The following GPALPP1 variants were observed in gnomAD, a reference collection of about 807,000 sequenced individuals.
The protein encoded by GPALPP1 is GPALPP motifs-containing protein 1.
GPALPP1 carries 30 observed loss-of-function variants against 38.9 expected under a neutral mutation model. The observed-to-expected ratio is 0.77, with a 90% CI of 0.58 to 1.05. The LOEUF (loss-of-function observed/expected upper bound fraction) is 1.05, where lower values mean the gene tolerates loss of function less well. Ranked by LOEUF, GPALPP1 falls within the 50% of genes least tolerant of loss-of-function variation. The pLI is 0.00. For synonymous variants in GPALPP1, 120 were observed against 139.2 expected (o/e 0.86, Z 0.97); for missense variants, 384 against 408.8 (o/e 0.94, Z 0.52).
chr13:45,027,695 C>A, intron 7 of GPALPP1, 90 bp from the exon 8 acceptor site: 1 of 639,926 alleles, frequency 1.6e-6, no homozygotes, highest in East Asian at 2.7e-5. Flanking sequence ...TAATGTGCAC[C>A]ATTACTATCT....
At chr13:45,031,857 A>T (rs1464698915), downstream of GPALPP1, 1 of 152,222 alleles carries the variant, frequency 6.6e-6, no homozygotes, top group Non-Finnish European at 1.5e-5. Context: ...GAGACATTTT[A>T]ATAAGGACTT....
At chr13:45,035,729 T>C (rs1876383875) in exon 8 of GPALPP1, 2 of 152,246 alleles carry the variant, frequency 1.3e-5, no homozygotes, top group Admixed American at 1.3e-4. Context: ...AAACTATTTC[T>C]ATCAGAATCA....
intron 3 of GPALPP1, 29 bp downstream of exon 3, chr13:45,006,332 C>A: frequency 1.8e-6 from 2 of 1,095,778 alleles, no homozygotes; most frequent in African/African-American, 1.6e-5. Flanking sequence ...TTAGGCCAGT[C>A]TTTCTTTAAA....
chr13:44,993,272 A>G (rs1872974066), intron 1 of GPALPP1, among the ~76,000 whole-genome samples: 1 of 152,198 alleles, frequency 6.6e-6, no homozygotes, highest in African/African-American at 2.4e-5. Flanking sequence ...TAATCTGTTC[A>G]AGTCCCTGCT....
chr13:45,027,979 C>T lies in GPALPP1; in HGVS notation c.999C>T (p.His333=), dbSNP rs778724717. ...KSRELNTRFS[H]GKGNMFL is the part of the protein sequence containing the mutation. Reference sequence around the variant, plus strand: ...GAGAACTAAACACCAGATTTTCACACGGCAAAGGCAATATGTTTTTATAAG... The same window carrying T: ...GAGAACTAAACACCAGATTTTCACATGGCAAAGGCAATATGTTTTTATAAG... The change falls in exon 8 of 8, where the codon CAC becomes CAT. Residue 333 remains histidine, a synonymous_variant. Coordinates refer to ENST00000379151, the MANE Select transcript of GPALPP1 (RefSeq NM_018559.5). 27 of 1,595,078 alleles carry T rather than the reference C, an allele frequency of 1.7e-5. No homozygotes were observed. Among genetic ancestry groups the T allele is most frequent in the Middle Eastern group, 3.4e-4 (2 of 5,948 alleles).
intron 1 of GPALPP1, among the ~76,000 whole-genome samples, chr13:45,000,690 T>G (rs1336343476): frequency 6.6e-6 from 1 of 152,150 alleles, no homozygotes; most frequent in Non-Finnish European, 1.5e-5. Context: ...ATCAAGAAGA[T>G]GAAAAGAGCC....
At chr13:45,009,458 C>T (rs533195418) in intron 4 of GPALPP1, among the ~76,000 whole-genome samples, 4 of 152,132 alleles carry the variant, frequency 2.6e-5, no homozygotes, top group Non-Finnish European at 5.9e-5. Flanking sequence ...TTTATCTTCT[C>T]CACGGTTTCA....
chr13:45,027,679 C>A, intron 7 of GPALPP1, 106 bp from the exon 8 acceptor site: 1 of 558,020 alleles, frequency 1.8e-6, no homozygotes, highest in Non-Finnish European at 3.2e-6. Flanking sequence ...TGTAAATAGC[C>A]CTCCTTAATG....
At chr13:45,000,339 A>T (rs915397191) in intron 1 of GPALPP1, among the ~76,000 whole-genome samples, 2 of 152,204 alleles carry the variant, frequency 1.3e-5, no homozygotes, top group African/African-American at 4.8e-5. Flanking sequence ...CCGAGATGGG[A>T]GGATCGCTTG....
chr13:45,036,280 T>C (rs147587415), exon 8 of GPALPP1: 19 of 152,340 alleles, frequency 1.2e-4, no homozygotes, highest in African/African-American at 3.6e-4. Flanking sequence ...TTCAGTTTCA[T>C]TGCACTTTGC....
At chr13:44,998,558 T>A (rs1873454616) in intron 1 of GPALPP1, among the ~76,000 whole-genome samples, 1 of 152,228 alleles carries the variant, frequency 6.6e-6, no homozygotes, top group Non-Finnish European at 1.5e-5. Context: ...CTAAATGTGA[T>A]GACTCTTTTG....
chr13:44,993,018 G>A (rs572198635), intron 1 of GPALPP1, among the ~76,000 whole-genome samples: 4 of 152,092 alleles, frequency 2.6e-5, no homozygotes, highest in African/African-American at 9.6e-5. Flanking sequence ...ACTATTTTAG[G>A]TACTTCATTT....
At chr13:45,018,280 G>A (rs1013516257) in intron 6 of GPALPP1, among the ~76,000 whole-genome samples, 4 of 151,786 alleles carry the variant, frequency 2.6e-5, no homozygotes, top group African/African-American at 7.3e-5. Context: ...GCCTGTAGTC[G>A]CAGCTACTCG....
chr13:45,017,986 C>A (rs1169324072), intron 6 of GPALPP1, among the ~76,000 whole-genome samples: 1 of 152,130 alleles, frequency 6.6e-6, no homozygotes, highest in African/African-American at 2.4e-5. Context: ...CAGATCTTAG[C>A]CATATTTCCT....
downstream of GPALPP1, chr13:45,031,384 C>T (rs1876189192): frequency 6.6e-6 from 1 of 152,100 alleles, no homozygotes; most frequent in African/African-American, 2.4e-5. Flanking sequence ...GCTCCTCTTC[C>T]TTATGTAAAT....
chr13:45,026,690 A>G (rs1875855536), intron 7 of GPALPP1, among the ~76,000 whole-genome samples: 1 of 152,218 alleles, frequency 6.6e-6, no homozygotes, highest in Non-Finnish European at 1.5e-5. Flanking sequence ...ACTCTTCAAT[A>G]TATCTGAATT....
intron 6 of GPALPP1, among the ~76,000 whole-genome samples, chr13:45,019,775 A>G (rs1875262806): frequency 6.6e-6 from 1 of 151,648 alleles, no homozygotes; most frequent in Non-Finnish European, 1.5e-5. Context: ...TCCTGAGTTC[A>G]ATAAATAGGT....
chr13:45,002,139 T>C (rs575062604), intron 1 of GPALPP1: 8 of 152,452 alleles, frequency 5.2e-5, no homozygotes, highest in Non-Finnish European at 1.0e-4. Flanking sequence ...GTAATTAAAA[T>C]CCAAACTCCT....
At chr13:44,994,280 C>T (rs983785129) in intron 1 of GPALPP1, among the ~76,000 whole-genome samples, 1 of 148,158 alleles carries the variant, frequency 6.7e-6, no homozygotes, top group South Asian at 2.2e-4. Flanking sequence ...AGTCTAATTT[C>T]TTAAAAAAAT....
Sources: gnomAD v4.1 joint callset for allele counts (sites outside exome capture counted in the v4.1 genomes callset) on GRCh38, gnomAD v4.1.1 for gene constraint, MANE v1.5 for transcripts, NCBI Gene and HGNC (gene_info 2026-07-23, HGNC 2026-07-21) for gene names.